FRMPD2: variants seen among roughly 807,000 people sequenced by gnomAD.
The protein encoded by FRMPD2 is FERM and PDZ domain-containing protein 2.
Under a neutral mutation model 140.1 loss-of-function variants are expected in FRMPD2, and 96 were observed. That is an observed-to-expected ratio of 0.69 (90% confidence interval 0.58 to 0.81). The LOEUF is 0.81. Ranked by LOEUF, FRMPD2 falls within the 40% of genes least tolerant of loss-of-function variation. The pLI is 0.00. For missense variants in FRMPD2, 1,240 were observed against 1,447.4 expected (o/e 0.86, Z 2.32); for synonymous variants, 449 against 547.6 (o/e 0.82, Z 2.52).
intron 7 of FRMPD2, among the ~76,000 whole-genome samples, chr10:48,238,971 G>A (rs895841458): frequency 2.0e-5 from 3 of 152,104 alleles, no homozygotes; most frequent in Non-Finnish European, 4.4e-5. Context: ...GCACCTTGCC[G>A]TCCTCTCTCC....
intron 28 of FRMPD2, chr10:48,159,184 G>A: frequency 2.2e-6 from 1 of 456,248 alleles, no homozygotes. Context: ...GGGAGCCCCA[G>A]GTCTCTGCTC....
At chr10:48,258,083 C>T (rs751368218) in intron 1 of FRMPD2, among the ~76,000 whole-genome samples, 1 of 152,216 alleles carries the variant, frequency 6.6e-6, no homozygotes, top group African/African-American at 2.4e-5. Context: ...GCTCTCAGAG[C>T]GATCTTTTCC....
intron 10 of FRMPD2, among the ~76,000 whole-genome samples, chr10:48,229,357 A>C (rs1234807583): frequency 6.6e-6 from 1 of 152,146 alleles, no homozygotes; most frequent in Non-Finnish European, 1.5e-5. Flanking sequence ...CAGTGATTCT[A>C]CTTTGATCAA....
chr10:48,191,255 T>C (rs1490289523), intron 16 of FRMPD2, among the ~76,000 whole-genome samples: 2 of 152,042 alleles, frequency 1.3e-5, no homozygotes, highest in East Asian at 3.9e-4. Context: ...CTCCCAACCA[T>C]CCAAGGAAGC....
intron 2 of FRMPD2, among the ~76,000 whole-genome samples, chr10:48,250,389 G>A (rs1679432785): frequency 6.6e-6 from 1 of 152,148 alleles, no homozygotes; most frequent in African/African-American, 2.4e-5. Flanking sequence ...AGACCCACTA[G>A]CATTTTCTTT....
At chr10:48,249,632 C>A (rs1329582127) in intron 2 of FRMPD2, among the ~76,000 whole-genome samples, 1 of 152,172 alleles carries the variant, frequency 6.6e-6, no homozygotes, top group Non-Finnish European at 1.5e-5. Flanking sequence ...GACCCATCGC[C>A]CTCACAGAAC....
At chr10:48,196,018 G>T (rs1430430038) in intron 15 of FRMPD2, among the ~76,000 whole-genome samples, 1 of 152,186 alleles carries the variant, frequency 6.6e-6, no homozygotes, top group East Asian at 1.9e-4. Flanking sequence ...AAGCCTTCAA[G>T]GATGAGGTTA....
intron 15 of FRMPD2, among the ~76,000 whole-genome samples, chr10:48,195,183 A>G (rs1250936008): frequency 6.6e-6 from 1 of 152,216 alleles, no homozygotes; most frequent in Non-Finnish European, 1.5e-5. Flanking sequence ...CTTCTTGTGG[A>G]AGGGCTGAGA....
At chr10:48,273,598 A>T (rs1010579958) in intron 1 of FRMPD2, among the ~76,000 whole-genome samples, 10 of 151,778 alleles carry the variant, frequency 6.6e-5, no homozygotes, top group African/African-American at 2.4e-4. Flanking sequence ...CTCAAGCAAC[A>T]CCTCTCCCAG....
At chr10:48,264,418 T>C (rs987136832) in intron 1 of FRMPD2, among the ~76,000 whole-genome samples, 2 of 152,134 alleles carry the variant, frequency 1.3e-5, no homozygotes, top group Non-Finnish European at 2.9e-5. Context: ...TAATAAGTGA[T>C]TATAGAAACA....
At chr10:48,207,994 C>T (rs1298484524) in intron 13 of FRMPD2, among the ~76,000 whole-genome samples, 1 of 152,194 alleles carries the variant, frequency 6.6e-6, no homozygotes, top group Non-Finnish European at 1.5e-5. Flanking sequence ...GATTACATTT[C>T]TGAACCCTAA....
rs375530005 is a variant in FRMPD2 at position 48,197,554 on chromosome 10, A to G, written c.1954+3674T>C. ...TTAAATCACTTGGGTTCTTTTTAAA[A>G]GGCAGATTCAGATTCAGATGGTCTG... On this transcript the variant is annotated intron_variant, in intron 15 of 28. Coordinates refer to ENST00000374201, the MANE Select transcript of FRMPD2 (RefSeq NM_001018071.4). Among the ~76,000 whole-genome samples the G allele has an allele frequency of 5.9e-5, 9 of 152,304 alleles. No homozygotes were observed. In the East Asian group the frequency reaches 1.2e-3, roughly 20 times the overall value.
intron 1 of FRMPD2, among the ~76,000 whole-genome samples, chr10:48,268,359 T>C (rs1292276467): frequency 6.6e-6 from 1 of 152,228 alleles, no homozygotes; most frequent in Non-Finnish European, 1.5e-5. Flanking sequence ...AAACATACTC[T>C]TACTATACAA....
rs11101272 is a variant in FRMPD2 at position 48,251,659 on chromosome 10, C to T, written c.58G>A (p.Ala20Thr). 141 of 1,614,224 alleles carry T rather than the reference C, an allele frequency of 8.7e-5. 1 individual carries two copies. Among genetic ancestry groups the T allele is most frequent in the Admixed American group, 7.2e-4 (43 of 60,034 alleles). ...AGAGCTTCACCCCTGACCTGTAGGG[C>T]GCTGGCCAGCGTCACAGAGGACAGG... is the stretch of plus-strand genomic sequence containing the variant. ...MSLSSVTLAS[A>T]LQVRGEALSE... Residue 20 changes from alanine to threonine, a missense_variant, in exon 2 of 29, where the codon GCC (alanine) becomes ACC (threonine). Around this residue, in one of 6 missense-constraint regions of FRMPD2, gnomAD observed 1,161 missense variants for 1,055.9 expected, o/e 1.10. Transcript: ENST00000374201.
chr10:48,170,860 CTT>C (rs1470933083), intron 26 of FRMPD2, 132 bp downstream of exon 26: 1 of 762,872 alleles, frequency 1.3e-6, no homozygotes, highest in African/African-American at 1.7e-5. Flanking sequence ...TAATTACTCT[CTT>C]TGTGTGATTA....
intron 16 of FRMPD2, among the ~76,000 whole-genome samples, chr10:48,190,170 C>G (rs1162612107): frequency 6.6e-6 from 1 of 152,186 alleles, no homozygotes; most frequent in African/African-American, 2.4e-5. Context: ...TTTGGCCCAC[C>G]TCAGACTTCA....
chr10:48,210,706 C>T (rs1403853960), intron 13 of FRMPD2, among the ~76,000 whole-genome samples: 4 of 152,222 alleles, frequency 2.6e-5, no homozygotes. Context: ...TTCGCCAGTG[C>T]TTCTCAAATG....
chr10:48,251,510 TG>T, intron 2 of FRMPD2, 55 bp downstream of exon 2: 1 of 1,602,044 alleles, frequency 6.2e-7, no homozygotes, highest in Non-Finnish European at 8.5e-7. Flanking sequence ...TGTGTTTGTG[TG>T]GGAAGCTTCA....
intron 1 of FRMPD2, among the ~76,000 whole-genome samples, chr10:48,254,878 C>T (rs1055010987): frequency 6.6e-6 from 1 of 152,200 alleles, no homozygotes; most frequent in African/African-American, 2.4e-5. Flanking sequence ...CTTTATGGGG[C>T]CTGTAATCTC....
Sources: allele counts gnomAD v4.1 joint callset (sites outside exome capture counted in the v4.1 genomes callset), GRCh38; gene constraint gnomAD v4.1.1; regional missense constraint gnomAD v4.1.1; transcripts MANE v1.5; gene names NCBI Gene and HGNC (gene_info 2026-07-23, HGNC 2026-07-21).